Variants in RIMS1 observed in about 807,000 individuals in gnomAD.
RIMS1 encodes the protein regulating synaptic membrane exocytosis 1.
Under a neutral mutation model 214.1 loss-of-function variants are expected in RIMS1, and 83 were observed. The observed-to-expected ratio is 0.39, with a 90% confidence interval of 0.32 to 0.47. RIMS1 has a LOEUF of 0.47. Among genes scored for constraint, RIMS1 ranks in the 20% least tolerant of loss-of-function variants. The probability of loss-of-function intolerance (pLI) is 0.99; values close to 1 mark genes in which losing one functional copy is unlikely to be tolerated. For missense variants in RIMS1, 2,050 were observed against 2,161.8 expected, an observed-to-expected ratio of 0.95 and a Z score of 1.03; for synonymous variants, 793 against 786.8, an observed-to-expected ratio of 1.01 and a Z score of -0.13.
chr6:72,072,221 G>A (rs1016725267), intron 2 of RIMS1, among the ~76,000 whole-genome samples: 1 of 152,078 alleles, frequency 6.6e-6, no homozygotes, highest in African/African-American at 2.4e-5. Flanking sequence ...TAATTTTGTT[G>A]TATTATGCAC....
intron 2 of RIMS1, among the ~76,000 whole-genome samples, chr6:72,009,524 A>G (rs1009615487): frequency 8.6e-5 from 13 of 151,836 alleles, no homozygotes; most frequent in Admixed American, 5.3e-4. Context: ...CAAAAAATCA[A>G]TTAATCCAGG....
intron 1 of RIMS1, among the ~76,000 whole-genome samples, chr6:71,927,205 C>T (rs1562211697): frequency 6.6e-6 from 1 of 152,194 alleles, no homozygotes; most frequent in Non-Finnish European, 1.5e-5. Flanking sequence ...ACCTGTGTAC[C>T]ACTCTACTCT....
chr6:72,071,455 T>C (rs561931421), intron 2 of RIMS1, among the ~76,000 whole-genome samples: 19 of 152,258 alleles, frequency 1.2e-4, no homozygotes, highest in African/African-American at 4.1e-4. Flanking sequence ...TTAGATAAGA[T>C]AGTCACAATC....
At chr6:71,957,436 A>G (rs1363597999) in intron 1 of RIMS1, among the ~76,000 whole-genome samples, 2 of 152,198 alleles carry the variant, frequency 1.3e-5, no homozygotes, top group Non-Finnish European at 2.9e-5. Context: ...TGCTATCCCA[A>G]GGCTGATGAA....
chr6:72,254,839 A>C (rs1273654398), intron 16 of RIMS1, among the ~76,000 whole-genome samples: 3 of 152,194 alleles, frequency 2.0e-5, no homozygotes, highest in Non-Finnish European at 4.4e-5. Context: ...CCATACTGAA[A>C]TATACCATGT....
intron 4 of RIMS1, among the ~76,000 whole-genome samples, chr6:72,150,181 G>A (rs968389099): frequency 7.8e-6 from 1 of 128,194 alleles, no homozygotes; most frequent in Admixed American, 8.6e-5. Flanking sequence ...CATGCTGATT[G>A]GTTTGTGAGT....
chr6:72,214,968 C>T (rs1021512251), intron 6 of RIMS1, among the ~76,000 whole-genome samples: 4 of 152,104 alleles, frequency 2.6e-5, no homozygotes, highest in East Asian at 1.9e-4. Flanking sequence ...GTGATCCACC[C>T]GCCTCGGCCT....
At chr6:72,079,727 A>G (rs377483920) in intron 2 of RIMS1, among the ~76,000 whole-genome samples, 1 of 151,916 alleles carries the variant, frequency 6.6e-6, no homozygotes, top group African/African-American at 2.4e-5. Flanking sequence ...CTACAAAAAA[A>G]TTTAAAAATT....
intron 4 of RIMS1, among the ~76,000 whole-genome samples, chr6:72,133,420 AG>A (rs903319421): frequency 6.6e-6 from 1 of 152,160 alleles, no homozygotes; most frequent in Non-Finnish European, 1.5e-5. Flanking sequence ...ACAACTTCAG[AG>A]GATATTCAAA....
intron 2 of RIMS1, among the ~76,000 whole-genome samples, chr6:72,093,229 A>ATATATATATATATATATATATATATAT (rs1562294511): frequency 1.1e-4 from 9 of 82,588 alleles, no homozygotes; most frequent in African/African-American, 1.7e-4. Flanking sequence ...TATATATATA[A>ATATATATATATATATATATATATATAT]AAACATGTGT....
chr6:72,201,173 A>G (rs1303678841), intron 6 of RIMS1, among the ~76,000 whole-genome samples: 1 of 152,208 alleles, frequency 6.6e-6, no homozygotes, highest in Non-Finnish European at 1.5e-5. Flanking sequence ...GTTGCATTTG[A>G]AAGAAATTTC....
chr6:72,263,544 T>G (rs2078990472), intron 19 of RIMS1: 1 of 985,190 alleles, frequency 1.0e-6, no homozygotes, highest in Admixed American at 6.2e-5. Flanking sequence ...CATTCTATGT[T>G]GATCCCATTC....
intron 29 of RIMS1, among the ~76,000 whole-genome samples, chr6:72,372,742 G>A (rs1451794395): frequency 3.3e-5 from 5 of 152,208 alleles, no homozygotes; most frequent in Admixed American, 6.5e-5. Context: ...AATCTTCAGC[G>A]ATTGGTTTGC....
At chr6:72,065,925 G>GA (rs11396474) in intron 2 of RIMS1, among the ~76,000 whole-genome samples, 20,414 of 112,536 alleles carry the variant, frequency 0.18, 1,543 homozygotes, top group South Asian at 0.21. Flanking sequence ...ATGAGAAGCC[G>GA]AAAAAAAAAA....
At position 72,307,134 on chromosome 6, in the gene RIMS1, A is replaced by G. The variant is rs955661691; in HGVS notation, c.3851-124A>G. ...TTCTGCATTTTTGTTTAATTTATTAATCATGTGTTATTTCTAAATTTTATT... is the reference window on the plus strand; with the variant it reads ...TTCTGCATTTTTGTTTAATTTATTAGTCATGTGTTATTTCTAAATTTTATT... On this transcript the variant is annotated intron_variant, in intron 26 of 33. Transcript: ENST00000521978. The G allele has an allele frequency of 9.2e-6, 6 of 648,986 alleles. No homozygotes were observed. The Admixed American group carries it at 1.5e-4, about 17-fold the overall frequency. The allele number at this position is 648,986 out of a possible 1,614,324, so 40.2% of individuals were successfully genotyped here.
Position 72,086,828 on chromosome 6 carries a change from C to T in RIMS1, c.246-10121C>T, listed in dbSNP as rs186370006. ...AGATGATATTTAATCAGTAGATTGA[C>T]ATGATTGGTTCAGTTTATTAGGAAG... On this transcript the variant is annotated intron_variant, in intron 2 of 33. Coordinates refer to ENST00000521978, the MANE Select transcript of RIMS1 (RefSeq NM_014989.7). Among the ~76,000 whole-genome samples, 23 of 152,272 alleles carry T rather than the reference C, an allele frequency of 1.5e-4. No individual in the cohort carries two copies. In the East Asian group the frequency reaches 3.9e-3, roughly 26 times the overall value.
chr6:72,242,590 T>A lies in RIMS1; in HGVS notation c.2081+153T>A, dbSNP rs555712847. On this transcript the variant is annotated intron_variant, in intron 10 of 33. Transcript: ENST00000521978. ...CATTTTTAGATTACTAAAAATTTCT[T>A]AATTTTTTAACTGGAATACTGAGTT... is the stretch of plus-strand genomic sequence containing the variant. Among the ~76,000 whole-genome samples the A allele has an allele frequency of 9.1e-4, 139 of 152,072 alleles. 1 individual carries two copies. The highest frequency in any genetic ancestry group is 3.2e-3 in the African/African-American group (132 of 41,570).
chr6:72,263,328 TTACTGTATCC>T, intron 19 of RIMS1: 1 of 985,304 alleles, frequency 1.0e-6, no homozygotes, highest in Non-Finnish European at 1.2e-6. Flanking sequence ...TATAGTTGCC[TTACTGTATCC>T]TACTGTGTCC....
chr6:72,346,897 G>C (rs2097283830), intron 29 of RIMS1, among the ~76,000 whole-genome samples: 1 of 151,676 alleles, frequency 6.6e-6, no homozygotes, highest in East Asian at 1.9e-4. Flanking sequence ...AATATTTACT[G>C]TCTAGTCCTT....
Sources: allele counts gnomAD v4.1 joint callset (sites outside exome capture counted in the v4.1 genomes callset), GRCh38; gene constraint gnomAD v4.1.1; transcripts MANE v1.5; gene names NCBI Gene and HGNC (gene_info 2026-07-23, HGNC 2026-07-21).